Variants in TOP1 observed in about 807,000 individuals in gnomAD.
TOP1 encodes DNA topoisomerase 1.
Under a neutral mutation model 111.1 loss-of-function variants are expected in TOP1, and 10 were observed. That is an observed-to-expected ratio of 0.09 (90% confidence interval 0.06 to 0.15). The LOEUF (loss-of-function observed/expected upper bound fraction) is 0.15, where lower values mean the gene tolerates loss of function less well. Among genes scored for constraint, TOP1 ranks in the 10% least tolerant of loss-of-function variants. TOP1 has a pLI of 1.00. For synonymous variants in TOP1, 271 were observed against 302.9 expected (o/e 0.89, Z 1.10); for missense variants, 474 against 926.7 (o/e 0.51, Z 6.34).
In TOP1 at chr20:41,080,440, A is replaced by G. The variant is rs2033776151; in HGVS notation, c.431+260A>G. On this transcript the variant is annotated intron_variant, in intron 6 of 20. Transcript: ENST00000361337. This position sits in a 1 kb window ranked among gnomAD's most constrained non-coding sequence, Gnocchi z 5.0. ...ATAGATATTTATTGTAGAAATTTCA[A>G]ATAATACAGAATTCATGAAGAATAA... is the stretch of plus-strand genomic sequence containing the variant. Among the ~76,000 whole-genome samples the G allele has an allele frequency of 6.6e-6, 1 of 152,214 alleles. No individual in the cohort carries two copies. Among genetic ancestry groups the G allele is most frequent in the South Asian group, 2.1e-4 (1 of 4,826 alleles).
intron 3 of TOP1, among the ~76,000 whole-genome samples, chr20:41,075,886 T>C (rs572651613): frequency 5.4e-4 from 83 of 152,330 alleles, no homozygotes; most frequent in African/African-American, 2.0e-3. Flanking sequence ...GTTTTTGTGC[T>C]GGTAGAATGT....
intron 3 of TOP1, among the ~76,000 whole-genome samples, chr20:41,074,189 T>C (rs995525277): frequency 1.3e-5 from 2 of 152,210 alleles, no homozygotes; most frequent in Non-Finnish European, 2.9e-5. Flanking sequence ...GAAGACTTTT[T>C]TTTTTTTAAA....
rs889429048 is a variant in TOP1 at position 41,076,252 on chromosome 20, C to A, written c.237C>A (p.Asp79Glu). Residue 79 changes from aspartate to glutamate, a missense_variant, in exon 4 of 21, where the codon GAC (aspartate) becomes GAA (glutamate). Transcript: ENST00000361337. Reference sequence around the variant, plus strand: ...ATGGAAGCTCAGAAAAGCATAAAGACAAACATAAAGACAGAGACAAGGAAA... The same window carrying A: ...ATGGAAGCTCAGAAAAGCATAAAGAAAAACATAAAGACAGAGACAAGGAAA... Reference protein sequence around the residue: ...HKDGSSEKHKDKHKDRDKEKR... With the variant: ...HKDGSSEKHKEKHKDRDKEKR... The A allele has an allele frequency of 6.2e-7, 1 of 1,604,732 alleles. No homozygotes were observed. The highest frequency in any genetic ancestry group is 1.7e-5 in the Admixed American group (1 of 59,872).
chr20:41,083,955 C>T lies in TOP1; in HGVS notation c.508-507C>T, dbSNP rs1237884095. Reference sequence around the variant, plus strand: ...GTGTCATTTTAGAACCTATCAAATACTTGCTTACTGCATCATGACTTTGTG... The same window carrying T: ...GTGTCATTTTAGAACCTATCAAATATTTGCTTACTGCATCATGACTTTGTG... On this transcript the variant is annotated intron_variant, in intron 7 of 20. Transcript: ENST00000361337. The surrounding 1 kb of genome is among the most constrained non-coding windows in gnomAD (Gnocchi z 7.2). Among the ~76,000 whole-genome samples the T allele has an allele frequency of 1.3e-5, 2 of 152,146 alleles. No individual in the cohort carries two copies. Among genetic ancestry groups the T allele is most frequent in the African/African-American group, 4.8e-5 (2 of 41,442 alleles).
chr20:41,034,717 T>C lies in TOP1; in HGVS notation c.58+5262T>C, dbSNP rs1473545788. 6.6e-6 allele frequency among the ~76,000 whole-genome samples: 1 copy of C among 152,224 alleles called. No homozygotes were observed. The highest frequency in any genetic ancestry group is 1.5e-5 in the Non-Finnish European group (1 of 68,036). ...TGGGAGAGAAGTGATGTTACTGGTA[T>C]CTCATGCATATCTCTGGAGTATATA... On this transcript the variant is annotated intron_variant, in intron 2 of 20. Transcript: ENST00000361337. The surrounding 1 kb of genome is among the most constrained non-coding windows in gnomAD (Gnocchi z 4.0).
At chr20:41,047,353 CTG>C (rs762592459) in intron 2 of TOP1, among the ~76,000 whole-genome samples, 1 of 152,212 alleles carries the variant, frequency 6.6e-6, no homozygotes. Context: ...ATACTTAACA[CTG>C]TGTTACAGTT....
At chr20:41,084,321 G>A in intron 7 of TOP1, 141 bp from the exon 8 acceptor site, 1 of 437,158 alleles carries the variant, frequency 2.3e-6, no homozygotes. Flanking sequence ...TTATTCATCT[G>A]TCAAATGAGA....
chr20:41,123,334 G>A lies in TOP1; in HGVS notation c.*37G>A. ...AGGCAGAGTTCTGTGAAGAGGAACA[G>A]TGTGGTTTGGGAAAGATGGATAAAC... On this transcript the variant is annotated 3_prime_UTR_variant, in exon 21 of 21. Transcript: ENST00000361337. This position sits in a 1 kb window ranked among gnomAD's most constrained non-coding sequence, Gnocchi z 5.8. 5 of 1,501,618 alleles carry A rather than the reference G, an allele frequency of 3.3e-6. No homozygotes were observed. The highest frequency in any genetic ancestry group is 4.6e-6 in the Non-Finnish European group (5 of 1,078,886). The allele number at this position is 1,501,618 out of a possible 1,614,324, so 93.0% of individuals were successfully genotyped here.
chr20:41,050,456 G>A (rs898308417), intron 2 of TOP1, among the ~76,000 whole-genome samples: 2 of 152,196 alleles, frequency 1.3e-5, no homozygotes, highest in African/African-American at 4.8e-5. Context: ...TGTTAACTAT[G>A]CCCTGGAATT....
chr20:41,090,959 A>T (rs1414071994), intron 8 of TOP1, among the ~76,000 whole-genome samples: 1 of 152,156 alleles, frequency 6.6e-6, no homozygotes, highest in Non-Finnish European at 1.5e-5. Context: ...ATTTTGAATT[A>T]ATTTTTGTGT....
chr20:41,055,014 C>CTTATCTGTTAACT (rs1292993011), intron 2 of TOP1, among the ~76,000 whole-genome samples: 2 of 152,158 alleles, frequency 1.3e-5, no homozygotes, highest in African/African-American at 4.8e-5. Flanking sequence ...GATTCCTGTT[C>CTTATCTGTTAACT]TATCTGTTTA....
Position 41,115,432 on chromosome 20 carries a change from G to T in TOP1, c.1700G>T (p.Arg567Ile). Reference protein sequence around the residue: ...NKQPEDDLFDRLNTGILNKHL... With the variant: ...NKQPEDDLFDILNTGILNKHL... ...CAGCCCGAGGATGATCTTTTTGATA[G>T]ACTCAATGTGAGTAGATGAAGCACA... Residue 567 changes from arginine to isoleucine, a missense_variant, in exon 16 of 21, where the codon AGA (arginine) becomes ATA (isoleucine). Transcript: ENST00000361337. This position sits in a 1 kb window ranked among gnomAD's most constrained non-coding sequence, Gnocchi z 6.3. 6.2e-7 allele frequency: 1 copy of T among 1,612,248 alleles called. No homozygotes were observed. Among genetic ancestry groups the T allele is most frequent in the South Asian group, 1.1e-5 (1 of 91,014 alleles).
Position 41,121,784 on chromosome 20 carries a change from C to T in TOP1, c.2039C>T (p.Thr680Met), listed in dbSNP as rs1481780173. 5.0e-6 allele frequency: 8 copies of T among 1,613,776 alleles called. No homozygotes were observed. The highest frequency in any genetic ancestry group is 5.9e-6 in the Non-Finnish European group (7 of 1,179,770). Residue 680 changes from threonine to methionine, a missense_variant, in exon 19 of 21, where the codon ACG becomes ATG. By Grantham distance (81) the Thr-to-Met change is moderately conservative (BLOSUM62 -1). Coordinates refer to ENST00000361337, the MANE Select transcript of TOP1 (RefSeq NM_003286.4). This position sits in a 1 kb window ranked among gnomAD's most constrained non-coding sequence, Gnocchi z 4.2. The part of the protein sequence containing the change: ...ADAKVMKDAK[T>M]KKVVESKKKA... ...GCCAAGGTCATGAAGGATGCAAAGACGAAGAAGTATGTACCTGGTATTGTG... is the reference window on the plus strand; with the variant it reads ...GCCAAGGTCATGAAGGATGCAAAGATGAAGAAGTATGTACCTGGTATTGTG...
intron 13 of TOP1, among the ~76,000 whole-genome samples, chr20:41,111,878 T>C (rs982740687): frequency 6.6e-6 from 1 of 152,158 alleles, no homozygotes; most frequent in African/African-American, 2.4e-5. Flanking sequence ...TGAATTTTTT[T>C]CCCCTTCTCA....
At chr20:41,055,892 C>G (rs2033464364) in intron 2 of TOP1, among the ~76,000 whole-genome samples, 1 of 152,188 alleles carries the variant, frequency 6.6e-6, no homozygotes, top group Non-Finnish European at 1.5e-5. Flanking sequence ...GGCCAGTCTT[C>G]TTGCCATGCC....
At chr20:41,038,298 G>A (rs2033214945) in intron 2 of TOP1, among the ~76,000 whole-genome samples, 1 of 152,056 alleles carries the variant, frequency 6.6e-6, no homozygotes, top group Non-Finnish European at 1.5e-5. Context: ...CACCTATAAA[G>A]TAGGTTTAAT....
At chr20:41,050,267 C>T (rs566522207) in intron 2 of TOP1, among the ~76,000 whole-genome samples, 2 of 152,348 alleles carry the variant, frequency 1.3e-5, no homozygotes, top group South Asian at 4.1e-4. Flanking sequence ...ATCCACCTGC[C>T]TTGGCCTCCC....
chr20:41,084,566 A>G lies in TOP1; in HGVS notation c.612A>G (p.Lys204=). ...KPKKEEEQKW[K]WWEEERYPEG... ...AGAAAGAAGAGGAACAGAAGTGGAA[A>G]TGGTAACATCTCAGCACTGGGTTAA... The change falls in exon 8 of 21, where the codon AAA becomes AAG. Residue 204 remains lysine, a splice_region_variant and synonymous_variant. Transcript: ENST00000361337. 6.4e-7 allele frequency: 1 copy of G among 1,556,798 alleles called. No homozygotes were observed. The highest frequency in any genetic ancestry group is 8.7e-7 in the Non-Finnish European group (1 of 1,147,898).
chr20:41,090,047 C>T (rs1372053293), intron 8 of TOP1, among the ~76,000 whole-genome samples: 1 of 152,074 alleles, frequency 6.6e-6, no homozygotes, highest in Non-Finnish European at 1.5e-5. Flanking sequence ...AATCTTGGCT[C>T]ACTGCAACAT....
Sources: gnomAD v4.1 joint callset for allele counts (sites outside exome capture counted in the v4.1 genomes callset) on GRCh38, gnomAD v4.1.1 for gene constraint, Gnocchi (gnomAD v3.1) non-coding constraint, MANE v1.5 for transcripts, NCBI Gene and HGNC (gene_info 2026-07-23, HGNC 2026-07-21) for gene names.